Variants in KLHL7 observed in about 807,000 individuals in gnomAD.
KLHL7 encodes kelch-like protein 7.
In KLHL7, 44 loss-of-function variants were observed where a neutral mutation model predicts 67.4. The ratio of observed to expected loss-of-function variants is 0.65; its 90% CI spans 0.51 to 0.84. The LOEUF (loss-of-function observed/expected upper bound fraction) is 0.84. KLHL7 is among the 40% of genes least tolerant of loss of function. The pLI, the probability that KLHL7 is intolerant of heterozygous loss-of-function variation, is 0.00. For synonymous variants in KLHL7, 252 were observed against 243.3 expected (o/e 1.04, Z -0.33); for missense variants, 362 against 718.1 (o/e 0.50, Z 5.67).
Position 23,165,943 on chromosome 7 carries a change from G to A in KLHL7, c.1177+5G>A. On this transcript the variant is annotated splice_donor_5th_base_variant and intron_variant, in intron 8 of 10. Coordinates refer to ENST00000339077, the MANE Select transcript of KLHL7 (RefSeq NM_001031710.3). ...CATCTGGAGGTTCAGAAGTAGGTAAGGACTTCTTAAGTATTTTGGTTTGGG... is the reference window on the plus strand; with the variant it reads ...CATCTGGAGGTTCAGAAGTAGGTAAAGACTTCTTAAGTATTTTGGTTTGGG... 6.2e-7 allele frequency: 1 copy of A among 1,613,854 alleles called. No individual in the cohort carries two copies. The highest frequency in any genetic ancestry group is 8.5e-7 in the Non-Finnish European group (1 of 1,179,966).
intron 1 of KLHL7, among the ~76,000 whole-genome samples, chr7:23,123,378 A>T (rs537931643): frequency 6.6e-6 from 1 of 152,252 alleles, no homozygotes; most frequent in East Asian, 1.9e-4. Context: ...TATAAAAACT[A>T]ATTGCTGTGT....
At chr7:23,165,357 AAAAT>A (rs1719673864) in intron 7 of KLHL7, among the ~76,000 whole-genome samples, 1 of 152,358 alleles carries the variant, frequency 6.6e-6, no homozygotes, top group African/African-American at 2.4e-5. Flanking sequence ...GCTTTTTTAA[AAAAT>A]AAAACAACTT....
At chr7:23,169,220 C>T (rs1208221818) in intron 9 of KLHL7, among the ~76,000 whole-genome samples, 1 of 151,790 alleles carries the variant, frequency 6.6e-6, no homozygotes, top group Non-Finnish European at 1.5e-5. Flanking sequence ...GATTGTGCCA[C>T]AGCACTCCGG....
intron 7 of KLHL7, among the ~76,000 whole-genome samples, chr7:23,154,987 GC>G (rs1189315004): frequency 2.0e-5 from 3 of 152,026 alleles, no homozygotes; most frequent in African/African-American, 7.3e-5. Context: ...TACCCATAGA[GC>G]AAATATGCCA....
rs553352811 is a variant in KLHL7, at chr7:23,141,988, G to A, written c.618+1044G>A. On this transcript the variant is annotated intron_variant, in intron 5 of 10. Transcript: ENST00000339077. The stretch of plus-strand genomic sequence containing the variant: ...GGCTGGAGTGCAGTGGCATGATCAC[G>A]GCTCACTGCAACCTCCACCTCCCGG... Among the ~76,000 whole-genome samples the A allele has an allele frequency of 4.6e-5, 7 of 151,170 alleles. No homozygotes were observed. The East Asian group carries it at 9.8e-4, about 21-fold the overall frequency.
intron 9 of KLHL7, 61 bp from the exon 10 acceptor site, chr7:23,172,887 C>A: frequency 8.6e-7 from 1 of 1,160,738 alleles, no homozygotes; most frequent in Non-Finnish European, 1.3e-6. Flanking sequence ...AGACCTTTCT[C>A]ATTAGTATGA....
At chr7:23,160,556 A>G (rs1459264179) in intron 7 of KLHL7, among the ~76,000 whole-genome samples, 6 of 152,208 alleles carry the variant, frequency 3.9e-5, no homozygotes, top group Admixed American at 6.5e-5. Context: ...CTAATCATTA[A>G]CAGCTAAGAA....
At chr7:23,172,359 A>G (rs988917386) in intron 9 of KLHL7, among the ~76,000 whole-genome samples, 2 of 152,226 alleles carry the variant, frequency 1.3e-5, no homozygotes, top group Non-Finnish European at 2.9e-5. Context: ...ACAGAGCAAC[A>G]TGAGGTATTA....
At chr7:23,112,407 T>G (rs1034736247) in intron 1 of KLHL7, among the ~76,000 whole-genome samples, 2 of 152,238 alleles carry the variant, frequency 1.3e-5, no homozygotes, top group East Asian at 3.8e-4. Flanking sequence ...TGTATATATT[T>G]GTGAATTATC....
At chr7:23,135,819 T>C (rs768432632) in intron 4 of KLHL7, among the ~76,000 whole-genome samples, 2 of 152,190 alleles carry the variant, frequency 1.3e-5, no homozygotes, top group Admixed American at 6.5e-5. Flanking sequence ...TAAAAGAATT[T>C]ACAGGCTTTC....
chr7:23,127,266 G>T (rs910555096), intron 4 of KLHL7, among the ~76,000 whole-genome samples: 2 of 152,174 alleles, frequency 1.3e-5, no homozygotes, highest in Non-Finnish European at 2.9e-5. Context: ...GTGAGTCTGT[G>T]CTAAGCACAT....
rs557309443 is a variant in KLHL7, at chr7:23,175,196, A to T, written c.*898A>T. 4.6e-4 allele frequency: 211 copies of T among 454,132 alleles called. 1 individual carries two copies. Among genetic ancestry groups the T allele is most frequent in the Admixed American group, 4.2e-3 (177 of 42,582 alleles). The allele number at this position is 454,132 out of a possible 1,614,324, so 28.1% of individuals were successfully genotyped here. On this transcript the variant is annotated 3_prime_UTR_variant, in exon 11 of 11. Transcript: ENST00000339077. ...TGAATTCTTTTCCCTTAGCCAAAAC[A>T]TGAAATATTTAACCTAGTTGTCTCT...
At chr7:23,125,626 T>C in intron 4 of KLHL7, 1 of 1,066,866 alleles carries the variant, frequency 9.4e-7, no homozygotes. Context: ...TACTACACCT[T>C]GCTGCCTCCC....
At chr7:23,126,435 A>G (rs1393155558) in intron 4 of KLHL7, among the ~76,000 whole-genome samples, 1 of 152,114 alleles carries the variant, frequency 6.6e-6, no homozygotes, top group Non-Finnish European at 1.5e-5. Flanking sequence ...GAGCGCTGGT[A>G]TAGGAGTGCT....
intron 7 of KLHL7, among the ~76,000 whole-genome samples, chr7:23,165,307 A>G (rs1039855512): frequency 1.3e-5 from 2 of 152,236 alleles, no homozygotes; most frequent in Non-Finnish European, 2.9e-5. Flanking sequence ...CACACTATAT[A>G]TCTGGCAGGG....
chr7:23,116,739 A>T (rs1783106095), intron 1 of KLHL7, among the ~76,000 whole-genome samples: 1 of 152,168 alleles, frequency 6.6e-6, no homozygotes, highest in South Asian at 2.1e-4. Flanking sequence ...AATTGTGGGG[A>T]TGTCCAGCAT....
intron 6 of KLHL7, among the ~76,000 whole-genome samples, chr7:23,145,419 TTGTC>T (rs1422038126): frequency 6.6e-6 from 1 of 152,140 alleles, no homozygotes; most frequent in Non-Finnish European, 1.5e-5. Flanking sequence ...TTTTCTTATG[TTGTC>T]TGTATTTTCT....
chr7:23,128,434 AAAAAAAAAAAAAAAAAAG>A (rs1783665435), intron 4 of KLHL7, among the ~76,000 whole-genome samples: 1 of 36,528 alleles, frequency 2.7e-5, no homozygotes, highest in Non-Finnish European at 5.9e-5. Flanking sequence ...AAAAAAAAAA[AAAAAAAAAAAAAAAAAAG>A]AACTTTAACT....
chr7:23,122,462 A>C (rs3807452), intron 1 of KLHL7, among the ~76,000 whole-genome samples: 7 of 151,952 alleles, frequency 4.6e-5, no homozygotes, highest in African/African-American at 1.7e-4. Context: ...ATTTTTTGGT[A>C]TAGTATGTAG....
Sources: allele counts gnomAD v4.1 joint callset (sites outside exome capture counted in the v4.1 genomes callset), GRCh38; gene constraint gnomAD v4.1.1; transcripts MANE v1.5; gene names NCBI Gene and HGNC (gene_info 2026-07-23, HGNC 2026-07-21).